KCNIP4: variants seen among roughly 807,000 people sequenced by gnomAD.
KCNIP4 encodes the protein potassium voltage-gated channel interacting protein 4, also known as Kv channel-interacting protein 4.
In KCNIP4, 12 loss-of-function variants were observed where a neutral mutation model predicts 34.0. The ratio of observed to expected loss-of-function variants is 0.35; its 90% confidence interval spans 0.23 to 0.57. The LOEUF is 0.57. Among genes scored for constraint, KCNIP4 ranks in the 20% least tolerant of loss-of-function variants. The pLI, the probability that KCNIP4 is intolerant of heterozygous loss-of-function variation, is 0.83. For synonymous variants in KCNIP4, 124 were observed against 102.2 expected, an observed-to-expected ratio of 1.21 and a Z score of -1.29; for missense variants, 238 against 311.7, an observed-to-expected ratio of 0.76 and a Z score of 1.78.
chr4:21,174,607 A>C (rs960885077), intron 1 of KCNIP4, among the ~76,000 whole-genome samples: 1 of 152,164 alleles, frequency 6.6e-6, no homozygotes. Flanking sequence ...ACTTTCAAAA[A>C]TGCATTAGTA....
intron 1 of KCNIP4, among the ~76,000 whole-genome samples, chr4:21,134,113 C>G (rs899372248): frequency 3.3e-5 from 5 of 152,126 alleles, no homozygotes; most frequent in Non-Finnish European, 5.9e-5. Flanking sequence ...CCCCAGACCA[C>G]CCACAGGTGA....
chr4:21,195,982 G>A (rs912629067), intron 1 of KCNIP4, among the ~76,000 whole-genome samples: 3 of 152,170 alleles, frequency 2.0e-5, no homozygotes, highest in East Asian at 1.9e-4. Flanking sequence ...CAAGTTTCCC[G>A]GCTTCTCTTT....
intron 1 of KCNIP4, among the ~76,000 whole-genome samples, chr4:21,548,553 T>C (rs763133004): frequency 1.4e-5 from 2 of 147,550 alleles, no homozygotes; most frequent in Non-Finnish European, 3.0e-5. Context: ...TCATAAGATT[T>C]CTTGTTCTAT....
intron 1 of KCNIP4, among the ~76,000 whole-genome samples, chr4:21,037,350 A>G (rs571279519): frequency 6.6e-6 from 1 of 152,300 alleles, no homozygotes; most frequent in African/African-American, 2.4e-5. Context: ...AGCTCCACTC[A>G]TAGTAAGTGC....
chr4:20,926,245 G>A (rs1308564044), intron 1 of KCNIP4, among the ~76,000 whole-genome samples: 1 of 152,116 alleles, frequency 6.6e-6, no homozygotes, highest in East Asian at 1.9e-4. Flanking sequence ...ACGCCTAAGG[G>A]CATTTGATTG....
chr4:21,807,266 C>T (rs1424324118), intron 1 of KCNIP4, among the ~76,000 whole-genome samples: 1 of 152,196 alleles, frequency 6.6e-6, no homozygotes, highest in Admixed American at 6.5e-5. Context: ...TCCTGCTGTG[C>T]TGCCTGATTC....
intron 1 of KCNIP4, among the ~76,000 whole-genome samples, chr4:21,783,966 T>C (rs1719737451): frequency 6.6e-6 from 1 of 152,150 alleles, no homozygotes; most frequent in Admixed American, 6.6e-5. Flanking sequence ...CAGATACATA[T>C]ATGTATTACT....
chr4:21,317,853 GCTCT>G (rs1325097450), intron 1 of KCNIP4, among the ~76,000 whole-genome samples: 2 of 152,158 alleles, frequency 1.3e-5, no homozygotes, highest in Non-Finnish European at 2.9e-5. Flanking sequence ...TCCTGCACAA[GCTCT>G]CTAACTCTTG....
chr4:21,828,614 A>G (rs565450371), intron 1 of KCNIP4, among the ~76,000 whole-genome samples: 1 of 152,128 alleles, frequency 6.6e-6, no homozygotes, highest in South Asian at 2.1e-4. Flanking sequence ...AATAAAAAAC[A>G]AAAAGAAAAG....
chr4:21,853,207 A>G (rs1331479438), intron 1 of KCNIP4: 3 of 152,190 alleles, frequency 2.0e-5, no homozygotes, highest in Non-Finnish European at 4.4e-5. Flanking sequence ...TGGGGAGTTC[A>G]GTAACATAAG....
At chr4:20,945,107 G>A (rs1732056562) in intron 1 of KCNIP4, among the ~76,000 whole-genome samples, 1 of 152,184 alleles carries the variant, frequency 6.6e-6, no homozygotes, top group African/African-American at 2.4e-5. Flanking sequence ...ACTCTCCAGA[G>A]TGTGGTTGAT....
chr4:21,821,173 G>C (rs1226890579), intron 1 of KCNIP4, among the ~76,000 whole-genome samples: 1 of 152,008 alleles, frequency 6.6e-6, no homozygotes, highest in African/African-American at 2.4e-5. Context: ...CTGTTACTCA[G>C]GTGGTTAGAT....
chr4:21,030,731 C>T (rs573356276), intron 1 of KCNIP4, among the ~76,000 whole-genome samples: 1 of 152,244 alleles, frequency 6.6e-6, no homozygotes, highest in African/African-American at 2.4e-5. Flanking sequence ...AATTACCAGA[C>T]TTTGAGAAAA....
At chr4:21,636,153 G>A (rs528090885) in intron 1 of KCNIP4, among the ~76,000 whole-genome samples, 2 of 117,150 alleles carry the variant, frequency 1.7e-5, no homozygotes, top group Admixed American at 9.8e-5. Flanking sequence ...GTGGGGGGAG[G>A]GGGGAGGGAT....
chr4:21,454,565 A>G (rs1467836374), intron 1 of KCNIP4, among the ~76,000 whole-genome samples: 1 of 152,082 alleles, frequency 6.6e-6, no homozygotes, highest in Non-Finnish European at 1.5e-5. Context: ...GTAATGAGTT[A>G]ATTTTCCAAA....
At chr4:21,026,866 T>C (rs1361085938) in intron 1 of KCNIP4, among the ~76,000 whole-genome samples, 2 of 151,936 alleles carry the variant, frequency 1.3e-5, no homozygotes, top group African/African-American at 4.8e-5. Flanking sequence ...GTCACGTGAG[T>C]GTGTCTGGAA....
intron 1 of KCNIP4, among the ~76,000 whole-genome samples, chr4:21,586,819 A>G (rs1741656761): frequency 6.6e-6 from 1 of 152,040 alleles, no homozygotes; most frequent in Non-Finnish European, 1.5e-5. Flanking sequence ...GAAAGGAAAA[A>G]ATGTAATCAT....
chr4:21,906,042 T>G (rs1008628715), intron 1 of KCNIP4, among the ~76,000 whole-genome samples: 1 of 152,070 alleles, frequency 6.6e-6, no homozygotes, highest in African/African-American at 2.4e-5. Flanking sequence ...CCAAATAAAG[T>G]GTTATTGAAA....
chr4:21,748,731 G>T (rs1455001678), intron 1 of KCNIP4, among the ~76,000 whole-genome samples: 2 of 152,118 alleles, frequency 1.3e-5, no homozygotes, highest in Non-Finnish European at 2.9e-5. Context: ...TCTTGTACTT[G>T]TAGTCATCTG....
Sources: allele counts gnomAD v4.1 joint callset (sites outside exome capture counted in the v4.1 genomes callset), GRCh38; gene constraint gnomAD v4.1.1; transcripts MANE v1.5; gene names NCBI Gene and HGNC (gene_info 2026-07-23, HGNC 2026-07-21).